The following WIPF3 variants were observed in gnomAD, a reference collection of about 807,000 sequenced individuals.
WIPF3 encodes WAS/WASL-interacting protein family member 3.
Under a neutral mutation model 38.9 loss-of-function variants are expected in WIPF3, and 33 were observed. The ratio of observed to expected loss-of-function variants is 0.85; its 90% confidence interval spans 0.64 to 1.14. The LOEUF is 1.14. WIPF3 is among the 50% of genes most tolerant of loss of function. The probability of loss-of-function intolerance (pLI) is 0.00; values close to 1 mark genes in which losing one functional copy is unlikely to be tolerated. For synonymous variants in WIPF3, 324 were observed against 269.3 expected (o/e 1.20, Z -1.99); for missense variants, 711 against 652.5 (o/e 1.09, Z -0.98).
chr7:29,883,845 TC>T lies in WIPF3; in HGVS notation c.356-3del. The T allele has an allele frequency of 6.6e-7, 1 of 1,521,894 alleles. No homozygotes were observed. The highest frequency in any genetic ancestry group is 8.8e-7 in the Non-Finnish European group (1 of 1,133,622). The allele number at this position is 1,521,894 out of a possible 1,614,324, so 94.3% of individuals were successfully genotyped here. The stretch of plus-strand genomic sequence containing the variant: ...GAGCTAACCCAGAATCTCTTTCACT[TC>T]CAGGTGGCAAGACAGGGCAGGGCCC... On this transcript the variant is annotated splice_region_variant and splice_polypyrimidine_tract_variant and intron_variant, in intron 4 of 8. Transcript: ENST00000242140.
Position 29,811,993 on chromosome 7 carries a change from C to T in WIPF3, c.-58+5315C>T, listed in dbSNP as rs17158418. Among the ~76,000 whole-genome samples, 1,519 of 152,228 alleles carry T rather than the reference C, an allele frequency of 1.0e-2. 37 individuals carry two copies. The highest frequency in any genetic ancestry group is 0.085 in the East Asian group (440 of 5,188). On this transcript the variant is annotated intron_variant, in intron 1 of 8. Transcript: ENST00000242140. ...ATTTAAATGAGCCAAATCAGTTTAC[C>T]TCATCCAGGAAAAGTCCAAAGGGTG... is the stretch of plus-strand genomic sequence containing the variant.
Position 29,833,085 on chromosome 7 carries a change from GT to G in WIPF3, c.-57-1581del. On this transcript the variant is annotated intron_variant, in intron 1 of 8. Transcript: ENST00000242140. The stretch of plus-strand genomic sequence containing the variant: ...GACTCAAACGGACAAATGTTGTATG[GT>G]TCCACATATATGAGGTACCTAGACT... Among the ~76,000 whole-genome samples, 5 of 152,302 alleles carry G rather than the reference GT, an allele frequency of 3.3e-5. No homozygotes were observed. In the South Asian group the frequency reaches 1.0e-3, roughly 32 times the overall value.
chr7:29,854,882 G>A (rs1323267531), intron 2 of WIPF3, among the ~76,000 whole-genome samples: 1 of 152,188 alleles, frequency 6.6e-6, no homozygotes, highest in Non-Finnish European at 1.5e-5. Flanking sequence ...GGAAAAGACA[G>A]CCATCTACAA....
intron 2 of WIPF3, among the ~76,000 whole-genome samples, chr7:29,865,734 G>T (rs1202486524): frequency 1.3e-5 from 2 of 152,196 alleles, no homozygotes; most frequent in African/African-American, 2.4e-5. Flanking sequence ...ATTAGATCCA[G>T]CAATGCAACC....
chr7:29,889,140 G>A (rs1023505085), intron 6 of WIPF3, among the ~76,000 whole-genome samples, 166 bp from the exon 7 acceptor site: 1 of 152,196 alleles, frequency 6.6e-6, no homozygotes, highest in African/African-American at 2.4e-5. Context: ...CTTGAGAGGT[G>A]AATGGATGTC....
At chr7:29,822,269 A>G (rs1370170831) in intron 1 of WIPF3, among the ~76,000 whole-genome samples, 1 of 151,900 alleles carries the variant, frequency 6.6e-6, no homozygotes, top group East Asian at 1.9e-4. Flanking sequence ...ACCAGCAAGA[A>G]TTCTTTTTGG....
intron 4 of WIPF3, 66 bp downstream of exon 4, chr7:29,879,206 CA>C: frequency 6.4e-7 from 1 of 1,551,722 alleles, no homozygotes; most frequent in Non-Finnish European, 8.8e-7. Context: ...ACCATCTGGG[CA>C]ATCCACACAT....
chr7:29,874,688 C>G (rs1036892183), intron 2 of WIPF3, among the ~76,000 whole-genome samples: 2 of 152,164 alleles, frequency 1.3e-5, no homozygotes, highest in Non-Finnish European at 2.9e-5. Context: ...AACCCCTTCC[C>G]TCCTTTATTT....
intron 1 of WIPF3, among the ~76,000 whole-genome samples, chr7:29,807,341 A>G (rs1322412312): frequency 1.3e-5 from 2 of 152,140 alleles, no homozygotes; most frequent in African/African-American, 2.4e-5. Context: ...TGCTCCAGCA[A>G]TGTACATTTG....
chr7:29,893,679 T>C (rs189509076), intron 7 of WIPF3, among the ~76,000 whole-genome samples: 1 of 152,318 alleles, frequency 6.6e-6, no homozygotes, highest in East Asian at 1.9e-4. Context: ...CTTAATTTAA[T>C]TCAGTACACT....
chr7:29,875,157 C>A (rs1785564317), intron 2 of WIPF3, among the ~76,000 whole-genome samples: 1 of 152,194 alleles, frequency 6.6e-6, no homozygotes, highest in Non-Finnish European at 1.5e-5. Flanking sequence ...AACTTTCTGA[C>A]CTCTATGGGT....
At chr7:29,806,879 G>A (rs904103927) in intron 1 of WIPF3, among the ~76,000 whole-genome samples, 60 of 151,168 alleles carry the variant, frequency 4.0e-4, no homozygotes, top group East Asian at 3.6e-3. Flanking sequence ...CGGCGCTCAC[G>A]CCCCCCACCC....
intron 2 of WIPF3, among the ~76,000 whole-genome samples, chr7:29,865,128 A>G (rs1207947600): frequency 5.3e-5 from 8 of 152,184 alleles, no homozygotes; most frequent in Non-Finnish European, 7.3e-5. Context: ...TGGATGAGGA[A>G]ATTGAGGCTT....
At chr7:29,904,504 CT>C in intron 8 of WIPF3, 142 bp downstream of exon 8, 7 of 755,288 alleles carry the variant, frequency 9.3e-6, no homozygotes, top group East Asian at 5.6e-5. Flanking sequence ...TTTGGTGGAC[CT>C]TTTTTCAAGC....
At chr7:29,909,395 C>T (rs985670481) in intron 8 of WIPF3, among the ~76,000 whole-genome samples, 1 of 152,074 alleles carries the variant, frequency 6.6e-6, no homozygotes, top group African/African-American at 2.4e-5. Context: ...ACTGACAAAC[C>T]TTTAGTTAGA....
intron 2 of WIPF3, among the ~76,000 whole-genome samples, chr7:29,852,245 A>G (rs915679675): frequency 6.6e-6 from 1 of 152,138 alleles, no homozygotes; most frequent in Admixed American, 6.5e-5. Context: ...GCGTCAAGCA[A>G]TCCTCCTGCC....
At chr7:29,848,068 G>T (rs1248479549) in intron 2 of WIPF3, among the ~76,000 whole-genome samples, 2 of 152,166 alleles carry the variant, frequency 1.3e-5, no homozygotes, top group African/African-American at 4.8e-5. Context: ...TGCTCCTGCA[G>T]CATGATTCTT....
chr7:29,840,532 C>T lies in WIPF3; in HGVS notation c.90+5718C>T, dbSNP rs112113342. On this transcript the variant is annotated intron_variant, in intron 2 of 8. Coordinates refer to ENST00000242140, the MANE Select transcript of WIPF3 (RefSeq NM_001080529.3). ...TGGCTCGAAATAAGTACTCAACTCA[C>T]TGAATGAATGAATACATGAATGAAT... Among the ~76,000 whole-genome samples the T allele has an allele frequency of 4.5e-3, 687 of 152,288 alleles. 6 individuals are homozygous for T. Among genetic ancestry groups the T allele is most frequent in the Admixed American group, 7.4e-3 (113 of 15,310 alleles).
chr7:29,838,065 C>T (rs1313206092), intron 2 of WIPF3, among the ~76,000 whole-genome samples: 1 of 152,138 alleles, frequency 6.6e-6, no homozygotes, highest in Non-Finnish European at 1.5e-5. Context: ...ACTACAGGTG[C>T]CCGCCACCAC....
Sources: allele counts gnomAD v4.1 joint callset (sites outside exome capture counted in the v4.1 genomes callset), GRCh38; gene constraint gnomAD v4.1.1; transcripts MANE v1.5; gene names NCBI Gene and HGNC (gene_info 2026-07-23, HGNC 2026-07-21).